ERBB4: variants seen among roughly 807,000 people sequenced by gnomAD.
The protein encoded by ERBB4 is receptor tyrosine-protein kinase erbB-4.
A neutral mutation model predicts 158.0 loss-of-function variants in ERBB4; 42 were observed. That is an observed-to-expected ratio of 0.27 (90% CI 0.21 to 0.34). The LOEUF (loss-of-function observed/expected upper bound fraction) is 0.34, where lower values mean the gene tolerates loss of function less well. Ranked by LOEUF, ERBB4 falls within the 10% of genes least tolerant of loss-of-function variation. ERBB4 has a pLI of 1.00. For synonymous variants in ERBB4, 583 were observed against 558.7 expected (o/e 1.04, Z -0.61); for missense variants, 1,333 against 1,624.1 (o/e 0.82, Z 3.08).
At chr2:211,539,086 A>T (rs2066730871) in intron 20 of ERBB4, among the ~76,000 whole-genome samples, 1 of 151,944 alleles carries the variant, frequency 6.6e-6, no homozygotes, top group Admixed American at 6.6e-5. Context: ...GCTTTATCTA[A>T]CCTATAACAT....
At chr2:212,212,221 T>A (rs1281463895) in intron 1 of ERBB4, among the ~76,000 whole-genome samples, 1 of 151,982 alleles carries the variant, frequency 6.6e-6, no homozygotes, top group Admixed American at 6.6e-5. Flanking sequence ...CTCACCAGCA[T>A]CTATTGTTTT....
At position 212,323,161 on chromosome 2, in the gene ERBB4, G is replaced by A. The variant is rs144044481; in HGVS notation, c.83-198258C>T. On this transcript the variant is annotated intron_variant, in intron 1 of 27. Transcript: ENST00000342788. ...AACACAAAATTGCTTAAATCCTTTC[G>A]TCAGTGCATTTTAATTATTTCATCA... Among the ~76,000 whole-genome samples, 41 of 150,228 alleles carry A rather than the reference G, an allele frequency of 2.7e-4. 2 individuals carry two copies. Among genetic ancestry groups the A allele is most frequent in the Non-Finnish European group, 4.8e-4 (32 of 66,988 alleles).
intron 2 of ERBB4, among the ~76,000 whole-genome samples, chr2:212,054,919 G>A (rs1229038990): frequency 6.6e-6 from 1 of 152,178 alleles, no homozygotes; most frequent in African/African-American, 2.4e-5. Flanking sequence ...TGAGGTATCA[G>A]GTTCATCTCA....
At chr2:212,221,879 G>A (rs748191110) in intron 1 of ERBB4, among the ~76,000 whole-genome samples, 3 of 151,128 alleles carry the variant, frequency 2.0e-5, no homozygotes, top group Non-Finnish European at 4.4e-5. Context: ...CTCCAAAAAC[G>A]GTTCTCTATC....
At chr2:212,536,083 T>C (rs1693041359) in intron 1 of ERBB4, among the ~76,000 whole-genome samples, 1 of 152,200 alleles carries the variant, frequency 6.6e-6, no homozygotes, top group Non-Finnish European at 1.5e-5. Flanking sequence ...AGTTTACTTA[T>C]CCGCACTTAA....
At chr2:211,516,329 T>G (rs1403651223) in intron 20 of ERBB4, among the ~76,000 whole-genome samples, 1 of 151,598 alleles carries the variant, frequency 6.6e-6, no homozygotes, top group African/African-American at 2.4e-5. Context: ...TTCTTCCCTT[T>G]TTTTTCTTTT....
chr2:211,761,735 A>T (rs1439985397), intron 4 of ERBB4, among the ~76,000 whole-genome samples: 2 of 152,236 alleles, frequency 1.3e-5, no homozygotes, highest in African/African-American at 4.8e-5. Flanking sequence ...TAGAGCTCAC[A>T]GTTTAGGAAA....
chr2:211,562,615 A>T (rs1397606352), intron 19 of ERBB4, among the ~76,000 whole-genome samples: 1 of 152,120 alleles, frequency 6.6e-6, no homozygotes, highest in Non-Finnish European at 1.5e-5. Flanking sequence ...GTCTATTGTC[A>T]ATTTATATAA....
chr2:212,400,799 T>C (rs1325818650), intron 1 of ERBB4, among the ~76,000 whole-genome samples: 5 of 152,146 alleles, frequency 3.3e-5, no homozygotes, highest in Non-Finnish European at 5.9e-5. Context: ...ACCCACTCTG[T>C]CTCTGAACTT....
chr2:211,527,207 A>G (rs530287986), intron 20 of ERBB4, among the ~76,000 whole-genome samples: 1 of 152,100 alleles, frequency 6.6e-6, no homozygotes, highest in Non-Finnish European at 1.5e-5. Flanking sequence ...GAGAAAAGAA[A>G]CAAACAACAA....
At chr2:212,481,739 A>G (rs961368810) in intron 1 of ERBB4, among the ~76,000 whole-genome samples, 2 of 152,206 alleles carry the variant, frequency 1.3e-5, no homozygotes, top group Non-Finnish European at 2.9e-5. Context: ...ACAAAAAAGT[A>G]TTCATAGCAA....
intron 14 of ERBB4, among the ~76,000 whole-genome samples, chr2:211,672,591 G>T (rs984811716): frequency 4.1e-4 from 63 of 152,184 alleles, no homozygotes; most frequent in African/African-American, 1.4e-3. Context: ...ATGAGTACTT[G>T]TCTCCTTCTT....
At chr2:212,431,777 T>G (rs80336430) in intron 1 of ERBB4, among the ~76,000 whole-genome samples, 2,166 of 152,272 alleles carry the variant, frequency 0.014, 116 homozygotes, top group Admixed American at 0.095. Context: ...TGCTGTTTGA[T>G]TAGTCTGCAC....
At chr2:211,536,831 G>C (rs1228331773) in intron 20 of ERBB4, among the ~76,000 whole-genome samples, 1 of 151,776 alleles carries the variant, frequency 6.6e-6, no homozygotes, top group Admixed American at 6.6e-5. Flanking sequence ...ACTTTAACTG[G>C]AGCTCTTTGG....
chr2:211,470,643 TC>T (rs2064808248), intron 20 of ERBB4, among the ~76,000 whole-genome samples: 1 of 152,154 alleles, frequency 6.6e-6, no homozygotes, highest in Non-Finnish European at 1.5e-5. Flanking sequence ...ACTTTGGAAA[TC>T]CCGTAAAACT....
At chr2:212,116,848 A>G (rs186177577) in intron 2 of ERBB4, among the ~76,000 whole-genome samples, 37 of 152,330 alleles carry the variant, frequency 2.4e-4, no homozygotes, top group Non-Finnish European at 5.1e-4. Flanking sequence ...CCTTTGATTT[A>G]TCTTGTGGAA....
At position 212,267,923 on chromosome 2, in the gene ERBB4, A is replaced by T. The variant is rs2085208465; in HGVS notation, c.83-143020T>A. ...CATATTAGGTAATTCTTAGTAAATC[A>T]GGGATATTTTGGGAGATGACCATAT... On this transcript the variant is annotated intron_variant, in intron 1 of 27. Transcript: ENST00000342788. Among the ~76,000 whole-genome samples, 2 of 151,894 alleles carry T rather than the reference A, an allele frequency of 1.3e-5. 1 individual carries two copies. Among genetic ancestry groups the T allele is most frequent in the Admixed American group, 1.3e-4 (2 of 15,188 alleles).
intron 1 of ERBB4, among the ~76,000 whole-genome samples, chr2:212,518,383 C>A (rs1691958127): frequency 6.6e-6 from 1 of 151,982 alleles, no homozygotes; most frequent in Admixed American, 6.6e-5. Flanking sequence ...GTCTCAGTTA[C>A]AAATTATATG....
intron 4 of ERBB4, 35 bp from the exon 5 acceptor site, chr2:211,750,739 G>A (rs777693029): frequency 1.9e-5 from 30 of 1,575,952 alleles, no homozygotes; most frequent in Non-Finnish European, 2.4e-5. Flanking sequence ...GGACATGCAC[G>A]TTATAATCTT....
Sources: allele counts gnomAD v4.1 joint callset (sites outside exome capture counted in the v4.1 genomes callset), GRCh38; gene constraint gnomAD v4.1.1; transcripts MANE v1.5; gene names NCBI Gene and HGNC (gene_info 2026-07-23, HGNC 2026-07-21).